The following PRKN variants were observed in gnomAD, a reference collection of about 807,000 sequenced individuals.
PRKN encodes the protein E3 ubiquitin-protein ligase parkin.
PRKN carries 56 observed loss-of-function variants against 59.5 expected under a neutral mutation model. The observed-to-expected ratio is 0.94, with a 90% confidence interval of 0.76 to 1.18. PRKN has a LOEUF of 1.18. Among genes scored for constraint, PRKN ranks in the 50% most tolerant of loss-of-function variants. The probability of loss-of-function intolerance (pLI) is 0.00; values close to 1 mark genes in which losing one functional copy is unlikely to be tolerated. For synonymous variants in PRKN, 250 were observed against 222.1 expected (o/e 1.13, Z -1.12); for missense variants, 657 against 596.4 (o/e 1.10, Z -1.06).
chr6:161,867,339 CA>C (rs1794151471), intron 6 of PRKN, among the ~76,000 whole-genome samples: 1 of 152,162 alleles, frequency 6.6e-6, no homozygotes, highest in African/African-American at 2.4e-5. Flanking sequence ...TATTTATAGG[CA>C]CTGGAAATTG....
chr6:161,919,037 C>T (rs1404398569), intron 6 of PRKN, among the ~76,000 whole-genome samples: 3 of 151,350 alleles, frequency 2.0e-5, no homozygotes, highest in African/African-American at 7.3e-5. Flanking sequence ...CCTAGGTATC[C>T]AACTGAGGAG....
At chr6:161,940,776 C>T (rs1452057571) in intron 6 of PRKN, among the ~76,000 whole-genome samples, 1 of 152,184 alleles carries the variant, frequency 6.6e-6, no homozygotes, top group Non-Finnish European at 1.5e-5. Context: ...GAAGAAGGTA[C>T]ATTCAGGCTC....
chr6:161,946,617 C>T (rs1481765501), intron 6 of PRKN, among the ~76,000 whole-genome samples: 1 of 152,024 alleles, frequency 6.6e-6, no homozygotes, highest in Admixed American at 6.6e-5. Flanking sequence ...CTTCTGAGAT[C>T]CACCAAAAAA....
chr6:161,610,469 A>C (rs1030871345), intron 7 of PRKN, among the ~76,000 whole-genome samples: 3 of 148,378 alleles, frequency 2.0e-5, no homozygotes, highest in African/African-American at 5.1e-5. Flanking sequence ...ATAACTAAGA[A>C]AAATGTATAT....
intron 2 of PRKN, 27 bp downstream of exon 2, chr6:162,443,283 C>T (rs1245000461): frequency 6.2e-7 from 1 of 1,611,826 alleles, no homozygotes; most frequent in Admixed American, 1.7e-5. Flanking sequence ...GGCGGCATCC[C>T]AAGAACGGCC....
At chr6:161,452,246 C>T (rs542791291) in intron 9 of PRKN, among the ~76,000 whole-genome samples, 4 of 152,212 alleles carry the variant, frequency 2.6e-5, no homozygotes, top group South Asian at 4.2e-4. Context: ...CCACTGCGCC[C>T]GGCCTTAACA....
At chr6:161,836,331 C>G (rs1374405468) in intron 6 of PRKN, among the ~76,000 whole-genome samples, 1 of 152,172 alleles carries the variant, frequency 6.6e-6, no homozygotes, top group Non-Finnish European at 1.5e-5. Context: ...CAGGGAGTCC[C>G]CTCATCTGGT....
intron 2 of PRKN, among the ~76,000 whole-genome samples, chr6:162,282,561 T>C (rs1462299145): frequency 6.6e-6 from 1 of 152,216 alleles, no homozygotes; most frequent in African/African-American, 2.4e-5. Flanking sequence ...TGTACATGGA[T>C]GTCCTTTGCA....
chr6:161,762,875 A>G (rs6455771), intron 7 of PRKN, among the ~76,000 whole-genome samples: 130,735 of 152,134 alleles, frequency 0.86, 56,483 homozygotes, highest in East Asian at 0.97. Context: ...TTCCTGTAAC[A>G]TTCTAGAAAG....
rs181489730 is a variant in PRKN, at chr6:161,560,045, T to C, written c.933+9310A>G. ...CACAATGCATCCCTCATGCCCCACATCATTGCTTCAGAGGCTCAAGCTGCC... is the reference window on the plus strand; with the variant it reads ...CACAATGCATCCCTCATGCCCCACACCATTGCTTCAGAGGCTCAAGCTGCC... On this transcript the variant is annotated intron_variant, in intron 8 of 11. Transcript: ENST00000366898. The surrounding 1 kb of genome is among the most constrained non-coding windows in gnomAD (Gnocchi z 4.9). Among the ~76,000 whole-genome samples, 31 of 152,260 alleles carry C rather than the reference T, an allele frequency of 2.0e-4. No homozygotes were observed. The highest frequency in any genetic ancestry group is 3.2e-4 in the Non-Finnish European group (22 of 67,996).
intron 7 of PRKN, among the ~76,000 whole-genome samples, chr6:161,601,530 AT>A (rs1291554492): frequency 1.3e-5 from 2 of 152,030 alleles, no homozygotes; most frequent in African/African-American, 4.8e-5. Context: ...CAATAAGGCC[AT>A]CAGATCCTGG....
intron 5 of PRKN, among the ~76,000 whole-genome samples, chr6:162,009,232 G>A (rs1358425418): frequency 1.3e-5 from 2 of 151,940 alleles, no homozygotes; most frequent in Non-Finnish European, 1.5e-5. Context: ...TAGCCTGGGT[G>A]ACAGAGCAAG....
chr6:162,443,358 C>G lies in PRKN; in HGVS notation c.123G>C (p.Leu41Phe), dbSNP rs750884521. 5 of 1,613,304 alleles carry G rather than the reference C, an allele frequency of 3.1e-6. No individual in the cohort carries two copies. In the South Asian group the frequency reaches 3.3e-5, roughly 11 times the overall value. The stretch of plus-strand genomic sequence containing the variant: ...GCTCCTTCCCTGCGAAAATCACACG[C>G]AACTGGTCAGCCGGAACCCCCTGTC... ...AKRQGVPADQ[L>F]RVIFAGKELR... The change falls in exon 2 of 12, where the codon TTG becomes TTC. Residue 41 changes from leucine (L) to phenylalanine (F), a missense_variant. Leu to Phe is a conservative substitution (Grantham distance 22). Coordinates refer to ENST00000366898, the MANE Select transcript of PRKN (RefSeq NM_004562.3).
rs1278168728 is a variant in PRKN at position 162,588,741 on chromosome 6, CTG to C, written c.7+138919_7+138920del. ...TAATTTTTTGTATTTTTAGTAGAGA[CTG>C]GGTTTCACCGTGTTAGCCAGGATGG... is the stretch of plus-strand genomic sequence containing the variant. On this transcript the variant is annotated intron_variant, in intron 1 of 11. Coordinates refer to ENST00000366898, the MANE Select transcript of PRKN (RefSeq NM_004562.3). Among the ~76,000 whole-genome samples the C allele has an allele frequency of 2.0e-5, 3 of 152,020 alleles. No homozygotes were observed. The East Asian group carries it at 5.8e-4, about 30-fold the overall frequency.
intron 4 of PRKN, among the ~76,000 whole-genome samples, chr6:162,078,857 T>C (rs1778940408): frequency 8.0e-6 from 1 of 125,104 alleles, no homozygotes; most frequent in Non-Finnish European, 1.6e-5. Context: ...AGATTATTAA[T>C]ACTTAATAAT....
intron 6 of PRKN, among the ~76,000 whole-genome samples, chr6:161,837,993 A>G (rs1792833001): frequency 6.6e-6 from 1 of 152,186 alleles, no homozygotes; most frequent in African/African-American, 2.4e-5. Context: ...AAAGGTCTGC[A>G]TGTGTCTCCT....
At chr6:161,618,127 T>G (rs1423379908) in intron 7 of PRKN, among the ~76,000 whole-genome samples, 1 of 152,230 alleles carries the variant, frequency 6.6e-6, no homozygotes, top group African/African-American at 2.4e-5. Flanking sequence ...TTGGATTTAC[T>G]ACACATGTTC....
intron 2 of PRKN, among the ~76,000 whole-genome samples, chr6:162,421,082 C>T (rs1788936240): frequency 6.6e-6 from 1 of 152,158 alleles, no homozygotes; most frequent in African/African-American, 2.4e-5. Flanking sequence ...TTCTTATGAC[C>T]CAAACTCATG....
intron 1 of PRKN, among the ~76,000 whole-genome samples, chr6:162,529,865 C>T (rs890036641): frequency 2.6e-5 from 4 of 152,208 alleles, no homozygotes; most frequent in African/African-American, 9.6e-5. Flanking sequence ...CGTGGTGGCT[C>T]ATGCCTGTAA....
Sources: allele counts gnomAD v4.1 joint callset (sites outside exome capture counted in the v4.1 genomes callset), GRCh38; gene constraint gnomAD v4.1.1; non-coding constraint Gnocchi (gnomAD v3.1); transcripts MANE v1.5; gene names NCBI Gene and HGNC (gene_info 2026-07-23, HGNC 2026-07-21).